Variants in CACNA2D1 observed in about 807,000 individuals in gnomAD.
The protein encoded by CACNA2D1 is voltage-dependent calcium channel subunit alpha-2/delta-1.
Under a neutral mutation model 171.5 loss-of-function variants are expected in CACNA2D1, and 53 were observed. That is an observed-to-expected ratio of 0.31 (90% CI 0.25 to 0.39). The LOEUF (loss-of-function observed/expected upper bound fraction) is 0.39. Among genes scored for constraint, CACNA2D1 ranks in the 10% least tolerant of loss-of-function variants. The pLI is 1.00. For synonymous variants in CACNA2D1, 442 were observed against 443.1 expected (o/e 1.00, Z 0.03); for missense variants, 903 against 1,299.8 (o/e 0.69, Z 4.69).
intron 6 of CACNA2D1, 28 bp downstream of exon 6, chr7:82,117,016 C>T (rs747159811): frequency 1.2e-6 from 2 of 1,612,168 alleles, no homozygotes; most frequent in Non-Finnish European, 1.7e-6. Context: ...CATGGTATTC[C>T]AACAGATGTT....
At chr7:82,424,289 T>C (rs1013943268) in intron 1 of CACNA2D1, among the ~76,000 whole-genome samples, 5 of 152,198 alleles carry the variant, frequency 3.3e-5, no homozygotes, top group Non-Finnish European at 5.9e-5. Flanking sequence ...ATGAAGGACC[T>C]ACTTTTTAAA....
At position 82,265,376 on chromosome 7, in the gene CACNA2D1, G is replaced by A. The variant is rs560891773; in HGVS notation, c.294+69759C>T. Among the ~76,000 whole-genome samples the A allele has an allele frequency of 4.0e-5, 6 of 150,156 alleles. No individual in the cohort carries two copies. In the East Asian group the frequency reaches 1.2e-3, roughly 29 times the overall value. Reference sequence around the variant, plus strand: ...AGTCATATTTGATGTAAGATCTCTGGGGCCAAATCTAATCTATGCATATTA... The same window carrying A: ...AGTCATATTTGATGTAAGATCTCTGAGGCCAAATCTAATCTATGCATATTA... On this transcript the variant is annotated intron_variant, in intron 3 of 38. Transcript: ENST00000356860.
rs1826486079 is a variant in CACNA2D1 at position 82,402,019 on chromosome 7, ATCTT to A, written c.95+41342_95+41345del. On this transcript the variant is annotated intron_variant, in intron 1 of 38. Coordinates refer to ENST00000356860, the MANE Select transcript of CACNA2D1 (RefSeq NM_000722.4). The stretch of plus-strand genomic sequence containing the variant: ...TCACAGAACTCAGTAAAGAAAGGCT[ATCTT>A]TTCCTAAAAACTATGGCAATACGAT... Among the ~76,000 whole-genome samples, 3 of 152,220 alleles carry A rather than the reference ATCTT, an allele frequency of 2.0e-5. No individual in the cohort carries two copies. In the South Asian group the frequency reaches 6.2e-4, roughly 32 times the overall value.
intron 1 of CACNA2D1, among the ~76,000 whole-genome samples, chr7:82,386,818 A>C (rs533952732): frequency 6.6e-6 from 1 of 151,748 alleles, no homozygotes; most frequent in Non-Finnish European, 1.5e-5. Flanking sequence ...CAGTGCAAAT[A>C]TAAATAGTGA....
At chr7:82,026,344 TTTTG>T (rs1484295951) in intron 12 of CACNA2D1, among the ~76,000 whole-genome samples, 1 of 148,998 alleles carries the variant, frequency 6.7e-6, no homozygotes, top group African/African-American at 2.4e-5. Context: ...CTTATTTTTC[TTTTG>T]TATTTTCTTT....
chr7:82,387,221 T>C (rs960291649), intron 1 of CACNA2D1, among the ~76,000 whole-genome samples: 2 of 152,124 alleles, frequency 1.3e-5, no homozygotes, highest in African/African-American at 2.4e-5. Flanking sequence ...TAAGTAACCA[T>C]AGAAAATAGT....
intron 3 of CACNA2D1, among the ~76,000 whole-genome samples, chr7:82,271,722 C>T (rs1808657661): frequency 1.3e-5 from 2 of 152,070 alleles, no homozygotes; most frequent in Admixed American, 6.6e-5. Context: ...AGGAGATAAA[C>T]AGGCATCAAG....
chr7:82,293,391 G>C (rs2129418130), intron 3 of CACNA2D1, among the ~76,000 whole-genome samples: 1 of 152,102 alleles, frequency 6.6e-6, no homozygotes, highest in East Asian at 1.9e-4. Flanking sequence ...TTAAGAGTAA[G>C]ACTTTGAAAA....
intron 15 of CACNA2D1, among the ~76,000 whole-genome samples, chr7:82,009,416 T>C (rs1395187673): frequency 6.6e-6 from 1 of 152,126 alleles, no homozygotes; most frequent in Non-Finnish European, 1.5e-5. Context: ...CTTAATTATA[T>C]AAATTAATGC....
intron 15 of CACNA2D1, among the ~76,000 whole-genome samples, chr7:82,009,933 CT>C (rs1455405504): frequency 1.3e-5 from 2 of 152,008 alleles, no homozygotes; most frequent in African/African-American, 4.8e-5. Context: ...TTAAAATGAA[CT>C]CTCCACAATA....
At chr7:82,170,853 C>T (rs1488178884) in intron 3 of CACNA2D1, among the ~76,000 whole-genome samples, 2 of 151,940 alleles carry the variant, frequency 1.3e-5, no homozygotes, top group Admixed American at 1.3e-4. Flanking sequence ...TTACCTCTGC[C>T]ATCATCAGCT....
intron 35 of CACNA2D1, among the ~76,000 whole-genome samples, chr7:81,962,234 T>C (rs910294725): frequency 6.6e-6 from 1 of 151,892 alleles, no homozygotes; most frequent in Non-Finnish European, 1.5e-5. Flanking sequence ...AAATACAAGA[T>C]GGCTATGAGA....
At chr7:82,085,530 A>G (rs1396593071) in intron 6 of CACNA2D1, among the ~76,000 whole-genome samples, 2 of 143,860 alleles carry the variant, frequency 1.4e-5, no homozygotes, top group South Asian at 2.2e-4. Flanking sequence ...TTAAAAAAAA[A>G]AAAAAGAAAA....
chr7:81,996,652 A>G (rs1478242582), intron 19 of CACNA2D1, among the ~76,000 whole-genome samples: 2 of 148,894 alleles, frequency 1.3e-5, no homozygotes, highest in Non-Finnish European at 3.0e-5. Flanking sequence ...AATGTTATTT[A>G]TTATATATTT....
intron 6 of CACNA2D1, among the ~76,000 whole-genome samples, chr7:82,094,681 T>A (rs555956648): frequency 1.4e-4 from 13 of 91,164 alleles, no homozygotes; most frequent in Admixed American, 1.2e-3. Context: ...CCACAAAACC[T>A]TAGATTTTTC....
At chr7:81,995,516 C>A (rs1254898485) in intron 19 of CACNA2D1, among the ~76,000 whole-genome samples, 2 of 152,062 alleles carry the variant, frequency 1.3e-5, no homozygotes, top group Admixed American at 6.6e-5. Flanking sequence ...TATGCAAGGT[C>A]GGCCAGGTGC....
At chr7:82,254,820 C>T (rs971295920) in intron 3 of CACNA2D1, among the ~76,000 whole-genome samples, 1 of 152,006 alleles carries the variant, frequency 6.6e-6, no homozygotes, top group African/African-American at 2.4e-5. Context: ...AGTCTAAAGG[C>T]ACAGGTTGTG....
chr7:82,386,735 A>AAAATAAATAAAT (rs200338716), intron 1 of CACNA2D1, among the ~76,000 whole-genome samples: 20 of 146,272 alleles, frequency 1.4e-4, no homozygotes, highest in East Asian at 2.0e-4. Flanking sequence ...CTCTGTCTCA[A>AAAATAAATAAAT]AAATAAATAA....
intron 18 of CACNA2D1, among the ~76,000 whole-genome samples, chr7:81,997,614 T>A (rs1798176643): frequency 6.6e-6 from 1 of 151,484 alleles, no homozygotes; most frequent in Non-Finnish European, 1.5e-5. Context: ...TTTGGATGAC[T>A]TATTTGGTAA....
Sources: gnomAD v4.1 joint callset for allele counts (sites outside exome capture counted in the v4.1 genomes callset) on GRCh38, gnomAD v4.1.1 for gene constraint, MANE v1.5 for transcripts, NCBI Gene and HGNC (gene_info 2026-07-23, HGNC 2026-07-21) for gene names.